Variants in ABCC8 observed in about 807,000 individuals in gnomAD.
The protein encoded by ABCC8 is ATP binding cassette subfamily C member 8.
Under a neutral mutation model 188.0 loss-of-function variants are expected in ABCC8, and 137 were observed. That is an observed-to-expected ratio of 0.73 (90% CI 0.63 to 0.84). The LOEUF (loss-of-function observed/expected upper bound fraction) is 0.84, where lower values mean the gene tolerates loss of function less well. ABCC8 is among the 40% of genes least tolerant of loss of function. The probability of loss-of-function intolerance (pLI) is 0.00; values close to 1 mark genes in which losing one functional copy is unlikely to be tolerated. For synonymous variants in ABCC8, 797 were observed against 846.5 expected, an observed-to-expected ratio of 0.94 and a Z score of 1.01; for missense variants, 1,750 against 2,072.7, an observed-to-expected ratio of 0.84 and a Z score of 3.02.
chr11:17,463,594 C>T lies in ABCC8; in HGVS notation c.423G>A (p.Val141=), dbSNP rs116132921. 3.1e-3 allele frequency: 4,871 copies of T among 1,580,814 alleles called. 54 individuals are homozygous for T. Among genetic ancestry groups the T allele is most frequent in the African/African-American group, 0.027 (2,033 of 74,352 alleles). The change falls in exon 4 of 39, where the codon GTG becomes GTA. Residue 141 remains valine (V), a synonymous_variant. Transcript: ENST00000389817. ...NFPKLLIALL[V]YWTLAFITKT... is the part of the protein sequence containing the mutation. ...TGGTGATGAAGGCCAGGGTCCAATA[C>T]ACCAGCAGGGCTGCCGAGGAGAGAT...
rs1954581714 is a variant in ABCC8 at position 17,407,129 on chromosome 11, T to C, written c.2921A>G (p.Glu974Gly). Residue 974 changes from glutamate (E) to glycine (G), a missense_variant and splice_region_variant, in exon 25 of 39, where the codon GAG becomes GGG. Physicochemically the swap from Glu to Gly is moderately conservative, Grantham distance 98. Coordinates refer to ENST00000389817, the MANE Select transcript of ABCC8 (RefSeq NM_000352.6). The stretch of plus-strand genomic sequence containing the variant: ...ATCCTCCTCGCTCTCAGCTGCCTCC[T>C]CTGCAGGCCGCAAGAACCCACTCTG... ...GLLQDEEEEE[E>G]EAAESEEDDN... 6.2e-7 allele frequency: 1 copy of C among 1,610,844 alleles called. No homozygotes were observed. Among genetic ancestry groups the C allele is most frequent in the African/African-American group, 1.3e-5 (1 of 74,866 alleles).
At chr11:17,472,902 T>C (rs910704631) in intron 2 of ABCC8, among the ~76,000 whole-genome samples, 2 of 152,178 alleles carry the variant, frequency 1.3e-5, no homozygotes, top group African/African-American at 4.8e-5. Context: ...GGGACTATGA[T>C]GCTTGTTTCA....
intron 2 of ABCC8, 142 bp downstream of exon 2, chr11:17,474,744 G>T: frequency 1.1e-6 from 1 of 924,268 alleles, no homozygotes; most frequent in Non-Finnish European, 1.7e-6. Flanking sequence ...AGAGAGGTTG[G>T]CACATAGAAG....
chr11:17,420,557 G>A (rs1462978745), intron 16 of ABCC8, among the ~76,000 whole-genome samples: 1 of 152,190 alleles, frequency 6.6e-6, no homozygotes, highest in Non-Finnish European at 1.5e-5. Context: ...GATGCGACCA[G>A]GGCCGTCCTG....
chr11:17,433,456 C>A (rs1276130988), intron 10 of ABCC8, among the ~76,000 whole-genome samples: 1 of 152,222 alleles, frequency 6.6e-6, no homozygotes, highest in Non-Finnish European at 1.5e-5. Context: ...GTTGACTGCC[C>A]ATTTACTCCA....
chr11:17,475,187 C>A (rs946126816), intron 1 of ABCC8, 160 bp from the exon 2 acceptor site: 2 of 582,942 alleles, frequency 3.4e-6, no homozygotes, highest in Non-Finnish European at 2.2e-6. Context: ...ACGTCCAACT[C>A]ATTCAGCCTG....
intron 12 of ABCC8, chr11:17,430,547 G>GTTTT: frequency 4.6e-6 from 2 of 432,500 alleles, no homozygotes; most frequent in Non-Finnish European, 8.6e-6. Flanking sequence ...CTCAACACTG[G>GTTTT]TTTTTTTTTT....
At chr11:17,449,826 C>T (rs956550417) in intron 7 of ABCC8, among the ~76,000 whole-genome samples, 1 of 152,306 alleles carries the variant, frequency 6.6e-6, no homozygotes, top group East Asian at 1.9e-4. Context: ...AGCTAATATA[C>T]ACCATGGGCA....
chr11:17,422,040 G>A (rs2299638), intron 16 of ABCC8, among the ~76,000 whole-genome samples: 26,134 of 152,194 alleles, frequency 0.17, 2,522 homozygotes, highest in African/African-American at 0.24. Flanking sequence ...TGCCAGGTCA[G>A]AGGCTGTTTT....
intron 1 of ABCC8, among the ~76,000 whole-genome samples, chr11:17,475,697 A>T (rs530439243): frequency 1.6e-4 from 24 of 152,368 alleles, no homozygotes; most frequent in Non-Finnish European, 2.9e-4. Flanking sequence ...GTTAATAACT[A>T]GCAACTCTGC....
In ABCC8 at chr11:17,461,576, C is replaced by T. The variant is rs765890511; in HGVS notation, c.822+7G>A. ...TGAATAGATGGTGTGGCTGTGCCCC[C>T]ACTGACCACCTGGGCGTCAAAGGCC... On this transcript the variant is annotated splice_region_variant and intron_variant, in intron 5 of 38. Transcript: ENST00000389817. 5.0e-6 allele frequency: 8 copies of T among 1,614,110 alleles called. No individual in the cohort carries two copies. The African/African-American group carries it at 9.3e-5, about 19-fold the overall frequency.
chr11:17,435,947 T>TTA (rs1956076358), intron 10 of ABCC8: 6 of 1,575,256 alleles, frequency 3.8e-6, no homozygotes, highest in Non-Finnish European at 4.4e-6. Flanking sequence ...ACCCCTGCAC[T>TTA]CAAAGCAATA....
At chr11:17,450,310 C>A (rs1015201140) in intron 7 of ABCC8, among the ~76,000 whole-genome samples, 6 of 125,794 alleles carry the variant, frequency 4.8e-5, no homozygotes, top group Non-Finnish European at 8.1e-5. Flanking sequence ...TTCTTTCTTT[C>A]TTTCTTTCTT....
intron 2 of ABCC8, among the ~76,000 whole-genome samples, chr11:17,473,920 G>A (rs571906225): frequency 1.5e-4 from 23 of 152,264 alleles, no homozygotes; most frequent in African/African-American, 5.5e-4. Context: ...CCCCAACCTG[G>A]GTTCCCAGCC....
chr11:17,469,083 C>CTCCTTCCTTCCTTCCTTCCT lies in ABCC8; in HGVS notation c.412+998_412+1017dup, dbSNP rs1295147487. On this transcript the variant is annotated intron_variant, in intron 3 of 38. Transcript: ENST00000389817. The stretch of plus-strand genomic sequence containing the variant: ...CTCCCTCCCTCCCTTCCCTCCCTCC[C>CTCCTTCCTTCCTTCCTTCCT]TCCTTCCTTCCTTCCTTCCTTCCTT... Among the ~76,000 whole-genome samples the CTCCTTCCTTCCTTCCTTCCT allele has an allele frequency of 2.2e-5, 3 of 135,550 alleles. No homozygotes were observed. In the South Asian group the frequency reaches 7.5e-4, roughly 34 times the overall value. 88.9% of individuals were successfully genotyped at this position (135,550 alleles called of 152,430 possible).
chr11:17,397,145 C>A lies in ABCC8; in HGVS notation c.3988+48G>T, dbSNP rs750437392. On this transcript the variant is annotated intron_variant, in intron 32 of 38. Coordinates refer to ENST00000389817, the MANE Select transcript of ABCC8 (RefSeq NM_000352.6). ...GCTCCCTTGTGGCCCCCAACCCAGA[C>A]ACACTCCTCCTTGGACTCTTCCCCA... 1.9e-6 allele frequency: 3 copies of A among 1,613,288 alleles called. 1 individual carries two copies. The highest frequency in any genetic ancestry group is 4.5e-5 in the East Asian group (2 of 44,880).
rs4148636 is a variant in ABCC8 at position 17,405,816 on chromosome 11, C to T, written c.3330-253G>A. Reference sequence around the variant, plus strand: ...CTGCCGCCTTTCTCAGCTGCCGGCTCGGCCTGACTCAGCAGCTGTCCTCCT... The same window carrying T: ...CTGCCGCCTTTCTCAGCTGCCGGCTTGGCCTGACTCAGCAGCTGTCCTCCT... On this transcript the variant is annotated intron_variant, in intron 26 of 38. Transcript: ENST00000389817. Among the ~76,000 whole-genome samples, 41,867 of 152,154 alleles carry T rather than the reference C, an allele frequency of 0.28. 11,122 individuals are homozygous for T. The highest frequency in any genetic ancestry group is 0.7 in the African/African-American group (29,005 of 41,478).
intron 22 of ABCC8, among the ~76,000 whole-genome samples, chr11:17,408,952 CTTTTTT>C (rs376681171): frequency 7.9e-6 from 1 of 125,824 alleles, no homozygotes; most frequent in Non-Finnish European, 1.6e-5. Context: ...ATCAATAAAT[CTTTTTT>C]TTTTTTTTTT....
intron 5 of ABCC8, 169 bp downstream of exon 5, chr11:17,461,414 G>A: frequency 1.2e-6 from 1 of 842,840 alleles, no homozygotes; most frequent in Non-Finnish European, 1.9e-6. Flanking sequence ...CCTCAGCCCT[G>A]CACCTGTCCC....
Sources: allele counts gnomAD v4.1 joint callset (sites outside exome capture counted in the v4.1 genomes callset), GRCh38; gene constraint gnomAD v4.1.1; transcripts MANE v1.5; gene names NCBI Gene and HGNC (gene_info 2026-07-23, HGNC 2026-07-21).